The following LSAMP variants were observed in gnomAD, a reference collection of about 807,000 sequenced individuals.
LSAMP encodes the protein limbic system associated membrane protein.
In LSAMP, 7 loss-of-function variants were observed where a neutral mutation model predicts 38.6. That is an observed-to-expected ratio of 0.18 (90% confidence interval 0.10 to 0.34). The LOEUF (loss-of-function observed/expected upper bound fraction) is 0.34, where lower values mean the gene tolerates loss of function less well. Ranked by LOEUF, LSAMP falls within the 10% of genes least tolerant of loss-of-function variation. LSAMP has a pLI of 1.00. For missense variants in LSAMP, 313 were observed against 420.0 expected (o/e 0.75, Z 2.23); for synonymous variants, 154 against 166.8 (o/e 0.92, Z 0.59).
At chr3:116,303,713 C>T (rs964524349) in intron 1 of LSAMP, among the ~76,000 whole-genome samples, 5 of 152,136 alleles carry the variant, frequency 3.3e-5, no homozygotes, top group Non-Finnish European at 7.4e-5. Context: ...ATGTTACAGT[C>T]ACTAACCCTG....
At chr3:115,984,062 A>G (rs1039606297) in intron 3 of LSAMP, among the ~76,000 whole-genome samples, 1 of 145,518 alleles carries the variant, frequency 6.9e-6, no homozygotes, top group African/African-American at 2.6e-5. Flanking sequence ...TAAATGAGAC[A>G]TAATACCAAG....
chr3:115,846,949 G>A (rs1935178920), intron 4 of LSAMP, among the ~76,000 whole-genome samples: 1 of 152,160 alleles, frequency 6.6e-6, no homozygotes, highest in South Asian at 2.1e-4. Context: ...GGGACACAAT[G>A]CTCCCTTGCA....
chr3:116,175,059 C>A (rs1710304036), intron 1 of LSAMP, among the ~76,000 whole-genome samples: 1 of 152,126 alleles, frequency 6.6e-6, no homozygotes, highest in South Asian at 2.1e-4. Context: ...TAAATATATT[C>A]ACCACTGGAA....
At chr3:116,404,166 T>G (rs1292503007) in intron 1 of LSAMP, among the ~76,000 whole-genome samples, 1 of 152,168 alleles carries the variant, frequency 6.6e-6, no homozygotes, top group Non-Finnish European at 1.5e-5. Context: ...TTACCATGTA[T>G]TTTTAGATGC....
At position 115,810,241 on chromosome 3, in the gene LSAMP, CTCTG is replaced by C. The variant is rs113567470; in HGVS notation, c.*72_*75del. 149 of 807,896 alleles carry C rather than the reference CTCTG, an allele frequency of 1.8e-4. No individual in the cohort carries two copies. The highest frequency in any genetic ancestry group is 1.4e-3 in the African/African-American group (81 of 56,648). 50.0% of individuals were successfully genotyped at this position (807,896 alleles called of 1,614,324 possible). ...CCCCCATCTCTCTCTCTCTCTCTCT[CTCTG>C]TCTCTCTCTCTCTGTATTCTGTGTG... is the stretch of plus-strand genomic sequence containing the variant. On this transcript the variant is annotated 3_prime_UTR_variant, in exon 7 of 7. Coordinates refer to ENST00000490035, the MANE Select transcript of LSAMP (RefSeq NM_002338.5).
intron 1 of LSAMP, among the ~76,000 whole-genome samples, chr3:116,433,309 T>G (rs576376172): frequency 6.6e-6 from 1 of 152,212 alleles, no homozygotes; most frequent in African/African-American, 2.4e-5. Flanking sequence ...AGGATAGAAT[T>G]AATTTTAGAC....
At position 116,342,795 on chromosome 3, in the gene LSAMP, C is replaced by T. The variant is rs139768517; in HGVS notation, c.155+102082G>A. Among the ~76,000 whole-genome samples, 19 of 152,158 alleles carry T rather than the reference C, an allele frequency of 1.2e-4. No homozygotes were observed. The South Asian group carries it at 1.9e-3, about 15-fold the overall frequency. The stretch of plus-strand genomic sequence containing the variant: ...GGGGGAAATTTTCATGCAGTTACAA[C>T]GGTCCAAGATATGCTCTATTGGAAG... On this transcript the variant is annotated intron_variant, in intron 1 of 6. Coordinates refer to ENST00000490035, the MANE Select transcript of LSAMP (RefSeq NM_002338.5).
At chr3:116,208,485 TAG>T (rs1229118077) in intron 1 of LSAMP, among the ~76,000 whole-genome samples, 1 of 152,254 alleles carries the variant, frequency 6.6e-6, no homozygotes, top group East Asian at 1.9e-4. Context: ...CTCTGCTTTT[TAG>T]AGTTTCCCGT....
intron 1 of LSAMP, among the ~76,000 whole-genome samples, chr3:116,118,007 T>C (rs1190168453): frequency 1.3e-5 from 2 of 152,186 alleles, no homozygotes; most frequent in East Asian, 3.8e-4. Flanking sequence ...CAATACTCTG[T>C]AGAGAGGGAA....
At chr3:116,074,094 C>T (rs2107388695) in intron 2 of LSAMP, among the ~76,000 whole-genome samples, 1 of 152,272 alleles carries the variant, frequency 6.6e-6, no homozygotes, top group Non-Finnish European at 1.5e-5. Flanking sequence ...CCACCAATTA[C>T]CTGAATAGAT....
At chr3:116,035,955 T>C (rs1308341393) in intron 2 of LSAMP, among the ~76,000 whole-genome samples, 1 of 152,194 alleles carries the variant, frequency 6.6e-6, no homozygotes, top group Non-Finnish European at 1.5e-5. Flanking sequence ...TATGGAGGCC[T>C]AGCCCTTAAA....
intron 1 of LSAMP, among the ~76,000 whole-genome samples, chr3:116,416,261 T>A (rs924601646): frequency 1.3e-5 from 2 of 152,160 alleles, no homozygotes; most frequent in African/African-American, 2.4e-5. Context: ...TGCCTCTCCG[T>A]GGTGGACACC....
intron 1 of LSAMP, among the ~76,000 whole-genome samples, chr3:116,278,540 C>A (rs1319817403): frequency 6.6e-6 from 1 of 152,130 alleles, no homozygotes; most frequent in Admixed American, 6.5e-5. Flanking sequence ...CTCTGATGGG[C>A]ACAATTATGA....
chr3:116,411,742 A>G (rs2048981216), intron 1 of LSAMP, among the ~76,000 whole-genome samples: 1 of 151,264 alleles, frequency 6.6e-6, no homozygotes, highest in Admixed American at 6.6e-5. Flanking sequence ...TAACCTGCAC[A>G]TTGTGCACAT....
intron 2 of LSAMP, among the ~76,000 whole-genome samples, chr3:116,036,638 T>C (rs1364236403): frequency 6.6e-6 from 1 of 152,170 alleles, no homozygotes; most frequent in African/African-American, 2.4e-5. Context: ...AATTTGGCAA[T>C]CTCAAAATGG....
At chr3:115,884,223 T>C (rs1297341352) in intron 3 of LSAMP, among the ~76,000 whole-genome samples, 2 of 152,040 alleles carry the variant, frequency 1.3e-5, no homozygotes, top group African/African-American at 4.8e-5. Flanking sequence ...ATCTTCATAA[T>C]ACATAAAGAG....
At chr3:116,140,570 G>A (rs1709347446) in intron 1 of LSAMP, among the ~76,000 whole-genome samples, 1 of 151,934 alleles carries the variant, frequency 6.6e-6, no homozygotes, top group South Asian at 2.1e-4. Context: ...CTAACATTCA[G>A]TAATCCCTCT....
chr3:115,816,476 G>GA, intron 6 of LSAMP: 1 of 437,612 alleles, frequency 2.3e-6, no homozygotes, highest in South Asian at 2.2e-5. Flanking sequence ...TCACAATTTG[G>GA]AAAAAACAGT....
intron 1 of LSAMP, among the ~76,000 whole-genome samples, chr3:116,203,874 T>A (rs181430189): frequency 5.8e-4 from 88 of 152,296 alleles, no homozygotes; most frequent in Middle Eastern, 3.4e-3. Context: ...TGTGCATGTG[T>A]CTTTATAGCA....
Sources: allele counts gnomAD v4.1 joint callset (sites outside exome capture counted in the v4.1 genomes callset), GRCh38; gene constraint gnomAD v4.1.1; transcripts MANE v1.5; gene names NCBI Gene and HGNC (gene_info 2026-07-23, HGNC 2026-07-21).